The following PNPLA6 variants were observed in gnomAD, a reference collection of about 807,000 sequenced individuals.
PNPLA6 encodes patatin like domain 6, lysophospholipase.
A neutral mutation model predicts 153.7 loss-of-function variants in PNPLA6; 105 were observed. The ratio of observed to expected loss-of-function variants is 0.68; its 90% confidence interval spans 0.58 to 0.80. The LOEUF (loss-of-function observed/expected upper bound fraction) is 0.80, where lower values mean the gene tolerates loss of function less well. Ranked by LOEUF, PNPLA6 falls within the 30% of genes least tolerant of loss-of-function variation. The pLI is 0.00. For synonymous variants in PNPLA6, 825 were observed against 822.2 expected, an observed-to-expected ratio of 1.00 and a Z score of -0.06; for missense variants, 1,423 against 1,919.3, an observed-to-expected ratio of 0.74 and a Z score of 4.83.
intron 27 of PNPLA6, among the ~76,000 whole-genome samples, chr19:7,558,418 G>A (rs1399961507): frequency 6.6e-6 from 1 of 152,174 alleles, no homozygotes; most frequent in African/African-American, 2.4e-5. Context: ...GATCACTTGA[G>A]GTCAGGAATT....
chr19:7,551,172 C>T (rs1415929019), intron 17 of PNPLA6, 65 bp downstream of exon 17: 1 of 711,394 alleles, frequency 1.4e-6, no homozygotes, highest in Non-Finnish European at 2.2e-6. Flanking sequence ...GGGGCCGGGC[C>T]TAGTGTGTGG....
rs1273838606 is a variant in PNPLA6 at position 7,554,958 on chromosome 19, G to A, written c.2700G>A (p.Glu900=). 6.3e-7 allele frequency: 1 copy of A among 1,589,962 alleles called. No homozygotes were observed. The highest frequency in any genetic ancestry group is 8.5e-7 in the Non-Finnish European group (1 of 1,175,012). The change falls in exon 22 of 32, where the codon GAG becomes GAA. Residue 900 remains glutamate, a synonymous_variant. Coordinates refer to ENST00000600737, the MANE Select transcript of PNPLA6 (RefSeq NM_001166114.2). ...AGCAGCTAGTCCTGCTCCACCGAGA[G>A]GAGGGCGCGGGCCCCACGCGCACCG... ...ALKQLVLLHR[E]EGAGPTRTVE...
Position 7,551,401 on chromosome 19 carries a change from CTAGG to C in PNPLA6, c.2225_2228del (p.Leu742ArgfsTer108). 6.2e-7 allele frequency: 1 copy of C among 1,613,984 alleles called. No homozygotes were observed. The highest frequency in any genetic ancestry group is 1.1e-5 in the South Asian group (1 of 91,082). ...TATCCACCTACTGAGCCAGAAAATT[CTAGG>C]GAATTTGCAGCAGCTGCAAGGACCC... On this transcript the variant is annotated frameshift_variant, in exon 18 of 32. Coordinates refer to ENST00000600737, the MANE Select transcript of PNPLA6 (RefSeq NM_001166114.2). LOFTEE classifies it high-confidence loss of function.
At position 7,555,592 on chromosome 19, in the gene PNPLA6, C is replaced by T; in HGVS notation, c.2937-15C>T. ...GTGGGGCCTAGCGGGTCACTGGGGCCCATTTTCCCGGCAGGGGCTGCTCGC... is the reference window on the plus strand; with the variant it reads ...GTGGGGCCTAGCGGGTCACTGGGGCTCATTTTCCCGGCAGGGGCTGCTCGC... On this transcript the variant is annotated splice_polypyrimidine_tract_variant and intron_variant, in intron 23 of 31. Coordinates refer to ENST00000600737, the MANE Select transcript of PNPLA6 (RefSeq NM_001166114.2). This position sits in a 1 kb window ranked among gnomAD's most constrained non-coding sequence, Gnocchi z 6.3. The T allele has an allele frequency of 6.2e-7, 1 of 1,610,704 alleles. No homozygotes were observed. Among genetic ancestry groups the T allele is most frequent in the Non-Finnish European group, 8.5e-7 (1 of 1,179,022 alleles).
upstream of PNPLA6, chr19:7,535,517 G>A (rs2022810050): frequency 2.5e-6 from 4 of 1,587,428 alleles, no homozygotes; most frequent in African/African-American, 1.3e-5. This position sits in a 1 kb window ranked among gnomAD's most constrained non-coding sequence, Gnocchi z 5.0. Flanking sequence ...AGGACTCCGG[G>A]CTACCAGATC....
At chr19:7,534,257 T>C (rs906728806), upstream of PNPLA6, 1 of 302,684 alleles carries the variant, frequency 3.3e-6, no homozygotes, top group African/African-American at 2.2e-5. Flanking sequence ...TGGGTTTCCG[T>C]TAGCCTCGCA....
chr19:7,550,961 C>T (rs2023616838), intron 16 of PNPLA6, 33 bp from the exon 17 acceptor site: 2 of 1,447,770 alleles, frequency 1.4e-6, no homozygotes, highest in Admixed American at 2.0e-5. Context: ...ATTCCCCACC[C>T]AAGCAGCCCC....
At chr19:7,557,760 G>T (rs1439659590) in intron 27 of PNPLA6, among the ~76,000 whole-genome samples, 1 of 145,182 alleles carries the variant, frequency 6.9e-6, no homozygotes, top group Non-Finnish European at 1.5e-5. Context: ...CTCCAGCCTG[G>T]GCGACAGAGC....
At chr19:7,545,909 C>CAAA (rs554820974) in intron 13 of PNPLA6, among the ~76,000 whole-genome samples, 3,347 of 100,294 alleles carry the variant, frequency 0.033, 91 homozygotes, top group Middle Eastern at 0.093. Flanking sequence ...GACCCTGTCT[C>CAAA]AAAAAAAAAA....
intron 27 of PNPLA6, among the ~76,000 whole-genome samples, chr19:7,558,587 G>C (rs1306054161): frequency 6.6e-6 from 1 of 152,080 alleles, no homozygotes; most frequent in Non-Finnish European, 1.5e-5. Flanking sequence ...AGCCCAGATC[G>C]TGCCATTGCA....
chr19:7,535,941 C>G lies in PNPLA6; in HGVS notation c.153C>G (p.Gly51=). 1 of 1,585,218 alleles carries G rather than the reference C, an allele frequency of 6.3e-7. No individual in the cohort carries two copies. The part of the protein sequence containing the change: ...QPVPFVPQVL[G]VMIGAGVAVV... ...TGCCGTTCGTCCCTCAGGTGCTTGGCGTGATGATCGGGGCCGGAGTGGCGG... is the reference window on the plus strand; with the variant it reads ...TGCCGTTCGTCCCTCAGGTGCTTGGGGTGATGATCGGGGCCGGAGTGGCGG... The change falls in exon 1 of 32, where the codon GGC becomes GGG. Residue 51 remains glycine, a synonymous_variant. Transcript: ENST00000600737. This position sits in a 1 kb window ranked among gnomAD's most constrained non-coding sequence, Gnocchi z 5.0.
Position 7,540,144 on chromosome 19 carries a change from A to G in PNPLA6, c.555-5A>G, listed in dbSNP as rs1442683570. The G allele has an allele frequency of 6.2e-7, 1 of 1,612,638 alleles. No individual in the cohort carries two copies. Among genetic ancestry groups the G allele is most frequent in the Non-Finnish European group, 8.5e-7 (1 of 1,180,010 alleles). On this transcript the variant is annotated splice_polypyrimidine_tract_variant and splice_region_variant and intron_variant, in intron 4 of 31. Transcript: ENST00000600737. This position sits in a 1 kb window ranked among gnomAD's most constrained non-coding sequence, Gnocchi z 6.8. ...AGCCTCTGTCGCCCACCGCCTGTCC[A>G]ACAGGGTGCTGGGCCACTTCGAGAA...
Position 7,561,506 on chromosome 19 carries a change from C to G in PNPLA6, c.4042C>G (p.Leu1348Val). 1 of 1,608,786 alleles carries G rather than the reference C, an allele frequency of 6.2e-7. No homozygotes were observed. Among genetic ancestry groups the G allele is most frequent in the Non-Finnish European group, 8.5e-7 (1 of 1,178,272 alleles). Residue 1348 changes from leucine (L) to valine (V), a missense_variant, in exon 32 of 32, where the codon CTC (leucine) becomes GTC (valine). Leu to Val is a conservative substitution (Grantham distance 32). This residue lies in a region of PNPLA6 where 643 missense variants were observed against 835.2 expected (regional missense o/e 0.77). Coordinates refer to ENST00000600737, the MANE Select transcript of PNPLA6 (RefSeq NM_001166114.2). ...ASEMEEEKSILRQRRCLPQEP... is the reference protein window; with the variant it reads ...ASEMEEEKSIVRQRRCLPQEP... ...CTCGCAGGAGGAGGAGAAGTCGATT[C>G]TCCGGCAACGACGCTGTCTGCCCCA...
chr19:7,560,965 C>T (rs761292640), intron 29 of PNPLA6, 49 bp from the exon 30 acceptor site: 3 of 1,309,316 alleles, frequency 2.3e-6, no homozygotes, highest in Non-Finnish European at 3.2e-6. Flanking sequence ...CCAGGGGCCC[C>T]AAGACTCTGT....
Position 7,555,028 on chromosome 19 carries a change from C to T in PNPLA6, c.2770C>T (p.Leu924=). Residue 924 remains leucine, a synonymous_variant, in exon 22 of 32, where the codon CTG becomes TTG. Transcript: ENST00000600737. The surrounding 1 kb of genome is among the most constrained non-coding windows in gnomAD (Gnocchi z 6.3). ...CAGCTGGTGCTCGGGGCACCTGCACCTGCGCTGTCCGCGCCGCCTCTTTTC... is the reference window on the plus strand; with the variant it reads ...CAGCTGGTGCTCGGGGCACCTGCACTTGCGCTGTCCGCGCCGCCTCTTTTC... The part of the protein sequence containing the change: ...MRSWCSGHLH[L]RCPRRLFSRR... 6.3e-7 allele frequency: 1 copy of T among 1,593,666 alleles called. No individual in the cohort carries two copies. Among genetic ancestry groups the T allele is most frequent in the East Asian group, 2.2e-5 (1 of 44,694 alleles).
intron 28 of PNPLA6, 27 bp from the exon 29 acceptor site, chr19:7,560,621 A>G (rs755710263): frequency 5.4e-6 from 8 of 1,484,352 alleles, no homozygotes; most frequent in Non-Finnish European, 5.7e-6. Context: ...GGTTGCAGAC[A>G]TGGACCCAGC....
rs915840205 is a variant in PNPLA6, at chr19:7,561,730, C to A, written c.*168C>A. On this transcript the variant is annotated 3_prime_UTR_variant, in exon 32 of 32. Coordinates refer to ENST00000600737, the MANE Select transcript of PNPLA6 (RefSeq NM_001166114.2). Reference sequence around the variant, plus strand: ...ATGCAGTGTTGCACTGATGACTTGACCAGCCCCTCCCCCAATAAACTCGCC... The same window carrying A: ...ATGCAGTGTTGCACTGATGACTTGAACAGCCCCTCCCCCAATAAACTCGCC... 4 of 702,694 alleles carry A rather than the reference C, an allele frequency of 5.7e-6. No homozygotes were observed. The highest frequency in any genetic ancestry group is 2.0e-5 in the Admixed American group (1 of 49,986). The allele number at this position is 702,694 out of a possible 1,614,324, so 43.5% of individuals were successfully genotyped here. A position where few individuals can be genotyped will look rare whatever the true frequency, so the allele number is the denominator to read the frequency against.
chr19:7,552,614 G>A (rs566919333), intron 18 of PNPLA6, among the ~76,000 whole-genome samples: 39 of 152,058 alleles, frequency 2.6e-4, no homozygotes, highest in Non-Finnish European at 5.0e-4. Context: ...AATTAGTCGG[G>A]TGTGGTGGTG....
rs140327222 is a variant in PNPLA6, at chr19:7,539,569, C to A, written c.414-349C>A. On this transcript the variant is annotated intron_variant, in intron 3 of 31. Coordinates refer to ENST00000600737, the MANE Select transcript of PNPLA6 (RefSeq NM_001166114.2). ...GGTCAGGAGTTCGAGACCAGCCTGC[C>A]CAACATGGAGAAACCCCATCTCTAC... Among the ~76,000 whole-genome samples the A allele has an allele frequency of 3.3e-3, 494 of 149,978 alleles. 8 individuals are homozygous for A. The South Asian group carries it at 0.041, about 13-fold the overall frequency.
Sources: allele counts gnomAD v4.1 joint callset (sites outside exome capture counted in the v4.1 genomes callset), GRCh38; gene constraint gnomAD v4.1.1; regional missense constraint gnomAD v4.1.1; non-coding constraint Gnocchi (gnomAD v3.1); transcripts MANE v1.5; gene names NCBI Gene and HGNC (gene_info 2026-07-23, HGNC 2026-07-21).